NUP35: variants seen among roughly 807,000 people sequenced by gnomAD.
NUP35 encodes nucleoporin NUP35.
Under a neutral mutation model 41.5 loss-of-function variants are expected in NUP35, and 25 were observed. That is an observed-to-expected ratio of 0.60 (90% CI 0.44 to 0.84). The LOEUF (loss-of-function observed/expected upper bound fraction) is 0.84. Among genes scored for constraint, NUP35 ranks in the 40% least tolerant of loss-of-function variants. NUP35 has a pLI of 0.00. For missense variants in NUP35, 396 were observed against 396.6 expected (o/e 1.00, Z 0.01); for synonymous variants, 149 against 130.7 (o/e 1.14, Z -0.96).
chr2:183,158,442 T>A, intron 7 of NUP35, 31 bp downstream of exon 7: 2 of 1,555,498 alleles, frequency 1.3e-6, no homozygotes, highest in Non-Finnish European at 1.7e-6. Context: ...GCAAAGTAGC[T>A]TAATCTATAT....
intron 5 of NUP35, among the ~76,000 whole-genome samples, chr2:183,152,089 T>C (rs1160632371): frequency 6.9e-6 from 1 of 144,492 alleles, no homozygotes; most frequent in Non-Finnish European, 1.5e-5. Context: ...CAGTTTTGAA[T>C]TAACAGAATG....
chr2:183,157,469 A>C lies in NUP35; in HGVS notation c.565A>C (p.Ile189Leu), dbSNP rs146696985. Residue 189 changes from isoleucine to leucine, a missense_variant, in exon 6 of 9, where the codon ATA (isoleucine) becomes CTA (leucine). Physicochemically the swap from Ile to Leu is conservative, Grantham distance 5. Transcript: ENST00000295119. ...GTTTCCTCAAGCATCTGCTTCCTACATATTACTACAATTTGCACAGTATGG... is the reference window on the plus strand; with the variant it reads ...GTTTCCTCAAGCATCTGCTTCCTACCTATTACTACAATTTGCACAGTATGG... ...FGFPQASASY[I>L]LLQFAQYGNI... The C allele has an allele frequency of 6.2e-7, 1 of 1,612,998 alleles. No homozygotes were observed. The highest frequency in any genetic ancestry group is 8.5e-7 in the Non-Finnish European group (1 of 1,179,112).
At chr2:183,128,154 A>G (rs1414649247) in intron 1 of NUP35, 133 bp from the exon 2 acceptor site, 1 of 506,282 alleles carries the variant, frequency 2.0e-6, no homozygotes, top group Non-Finnish European at 3.3e-6. Flanking sequence ...AATAAATTCA[A>G]CTATGGTTCT....
In NUP35 at chr2:183,157,531, T is replaced by C. The variant is rs1264832851; in HGVS notation, c.609+18T>C. Reference sequence around the variant, plus strand: ...AACATGTGGTAAGGCTTAATTTTTTTCAGTTCAGAGTTTTGACTAAAGAGG... The same window carrying C: ...AACATGTGGTAAGGCTTAATTTTTTCCAGTTCAGAGTTTTGACTAAAGAGG... On this transcript the variant is annotated intron_variant, in intron 6 of 8. Coordinates refer to ENST00000295119, the MANE Select transcript of NUP35 (RefSeq NM_138285.5). 1 of 1,548,702 alleles carries C rather than the reference T, an allele frequency of 6.5e-7. No individual in the cohort carries two copies. Among genetic ancestry groups the C allele is most frequent in the Non-Finnish European group, 8.9e-7 (1 of 1,121,732 alleles).
At chr2:183,142,491 T>C (rs1215226514) in intron 4 of NUP35, among the ~76,000 whole-genome samples, 2 of 151,994 alleles carry the variant, frequency 1.3e-5, no homozygotes, top group Non-Finnish European at 2.9e-5. Context: ...GCACTTTTGT[T>C]TTTGTTTTGA....
chr2:183,132,415 A>C (rs533817595), intron 3 of NUP35, among the ~76,000 whole-genome samples: 2 of 150,256 alleles, frequency 1.3e-5, no homozygotes, highest in South Asian at 4.2e-4. Flanking sequence ...AAAAAAGGCT[A>C]GATGTGGTGG....
At chr2:183,140,822 C>CAA (rs34256493) in intron 4 of NUP35, among the ~76,000 whole-genome samples, 23,598 of 88,992 alleles carry the variant, frequency 0.27, 2,763 homozygotes, top group Non-Finnish European at 0.36. Flanking sequence ...AAACTCCATT[C>CAA]AAAAAAAAAA....
chr2:183,153,919 A>G (rs1282516834), intron 5 of NUP35, among the ~76,000 whole-genome samples: 1 of 152,234 alleles, frequency 6.6e-6, no homozygotes. Context: ...CTGGGCATCC[A>G]GGTATTTCCA....
chr2:183,160,879 G>A (rs542979245), intron 8 of NUP35, 175 bp from the exon 9 acceptor site: 52 of 452,734 alleles, frequency 1.1e-4, no homozygotes, highest in South Asian at 6.7e-4. Context: ...TCAGGAGATC[G>A]AGACCATCCT....
chr2:183,119,675 A>T (rs1347679410), upstream of NUP35, among the ~76,000 whole-genome samples: 2 of 150,208 alleles, frequency 1.3e-5, no homozygotes, highest in Non-Finnish European at 3.0e-5. Context: ...GGTGAAGGAA[A>T]TTTTTCTTTT....
intron 4 of NUP35, among the ~76,000 whole-genome samples, chr2:183,141,499 C>T (rs1414285359): frequency 6.6e-6 from 1 of 152,108 alleles, no homozygotes; most frequent in East Asian, 1.9e-4. Flanking sequence ...GTATTTTCCC[C>T]TCATATTATC....
At chr2:183,159,058 C>G (rs915096052) in intron 7 of NUP35, among the ~76,000 whole-genome samples, 4 of 152,114 alleles carry the variant, frequency 2.6e-5, no homozygotes, top group African/African-American at 9.7e-5. Flanking sequence ...TTCTTAAAAT[C>G]TGTTATATCA....
chr2:183,157,590 A>G, intron 6 of NUP35, 77 bp downstream of exon 6: 2 of 1,001,456 alleles, frequency 2.0e-6, no homozygotes, highest in Non-Finnish European at 3.1e-6. Flanking sequence ...CTGCTTCTGA[A>G]TTTTGTGGGT....
chr2:183,129,725 G>A (rs2105545706), intron 2 of NUP35, among the ~76,000 whole-genome samples: 1 of 152,288 alleles, frequency 6.6e-6, no homozygotes, highest in South Asian at 2.1e-4. Flanking sequence ...AAGTGAGCGA[G>A]CGCTATAAAC....
chr2:183,152,509 C>T (rs1480909788), intron 5 of NUP35, among the ~76,000 whole-genome samples: 1 of 152,104 alleles, frequency 6.6e-6, no homozygotes, highest in Non-Finnish European at 1.5e-5. Flanking sequence ...AGCTTAGCTC[C>T]CACTTATGAG....
chr2:183,122,130 G>A (rs1222880372), upstream of NUP35, among the ~76,000 whole-genome samples: 3 of 151,002 alleles, frequency 2.0e-5, no homozygotes, highest in African/African-American at 7.3e-5. Flanking sequence ...AGGCTGGAGT[G>A]CAGTGGCATG....
intron 7 of NUP35, among the ~76,000 whole-genome samples, chr2:183,158,841 G>A (rs1034382814): frequency 6.6e-6 from 1 of 151,966 alleles, no homozygotes; most frequent in African/African-American, 2.4e-5. Flanking sequence ...AAAGGTTTTC[G>A]TTTCAAAATA....
intron 1 of NUP35, among the ~76,000 whole-genome samples, chr2:183,125,847 T>A (rs1684449253): frequency 6.6e-6 from 1 of 152,232 alleles, no homozygotes; most frequent in African/African-American, 2.4e-5. Context: ...AACAAACTGC[T>A]AGCTGAGTAC....
Position 183,161,516 on chromosome 2 carries a change from A to G in NUP35, c.*385A>G, listed in dbSNP as rs72896520. ...AGTTATTTCTACCGACACAAATATTATAATTAGCAATTTGAATTATGGTCT... is the reference window on the plus strand; with the variant it reads ...AGTTATTTCTACCGACACAAATATTGTAATTAGCAATTTGAATTATGGTCT... On this transcript the variant is annotated 3_prime_UTR_variant, in exon 9 of 9. Transcript: ENST00000295119. The G allele has an allele frequency of 0.028, 4,313 of 154,654 alleles. 87 individuals are homozygous for G. Among genetic ancestry groups the G allele is most frequent in the Non-Finnish European group, 0.043 (2,982 of 69,700 alleles). 9.6% of individuals were successfully genotyped at this position (154,654 alleles called of 1,614,324 possible).
Sources: gnomAD v4.1 joint callset for allele counts (sites outside exome capture counted in the v4.1 genomes callset) on GRCh38, gnomAD v4.1.1 for gene constraint, MANE v1.5 for transcripts, NCBI Gene and HGNC (gene_info 2026-07-23, HGNC 2026-07-21) for gene names.